The following PHACTR1 variants were observed in gnomAD, a reference collection of about 807,000 sequenced individuals.
PHACTR1 encodes the protein phosphatase and actin regulator 1, also known as RPEL repeat containing 1.
PHACTR1 carries 16 observed loss-of-function variants against 69.2 expected under a neutral mutation model. The observed-to-expected ratio is 0.23, with a 90% CI of 0.16 to 0.35. The LOEUF (loss-of-function observed/expected upper bound fraction) is 0.35. PHACTR1 is among the 10% of genes least tolerant of loss of function. The pLI, the probability that PHACTR1 is intolerant of heterozygous loss-of-function variation, is 1.00. For missense variants in PHACTR1, 510 were observed against 734.7 expected, an observed-to-expected ratio of 0.69 and a Z score of 3.54; for synonymous variants, 312 against 284.5, an observed-to-expected ratio of 1.10 and a Z score of -0.97.
At chr6:12,816,797 T>C (rs914205710) in intron 4 of PHACTR1, among the ~76,000 whole-genome samples, 2 of 152,146 alleles carry the variant, frequency 1.3e-5, no homozygotes, top group Non-Finnish European at 2.9e-5. Context: ...AGGAGTCCCA[T>C]TTTGAGGAAG....
chr6:13,230,406 G>A (rs890010834), intron 10 of PHACTR1: 2 of 1,137,660 alleles, frequency 1.8e-6, no homozygotes, highest in African/African-American at 1.6e-5. Context: ...GCAAAAATTA[G>A]TCAGGCATGG....
chr6:12,855,373 G>T (rs867876430), intron 4 of PHACTR1, among the ~76,000 whole-genome samples: 1 of 150,974 alleles, frequency 6.6e-6, no homozygotes. Context: ...GATCTCTTCA[G>T]TCCAGAGGTT....
intron 4 of PHACTR1, among the ~76,000 whole-genome samples, chr6:12,953,997 G>A (rs184434094): frequency 4.4e-4 from 67 of 152,288 alleles, no homozygotes; most frequent in Admixed American, 1.5e-3. Flanking sequence ...TAAAAGCGGC[G>A]TGATGACATA....
chr6:13,247,895 T>G (rs903979679), intron 10 of PHACTR1, among the ~76,000 whole-genome samples: 8 of 152,152 alleles, frequency 5.3e-5, no homozygotes, highest in Non-Finnish European at 1.0e-4. Flanking sequence ...TTAAATGACG[T>G]TATGAAGGAG....
At chr6:13,057,420 A>G (rs1427652591) in intron 5 of PHACTR1, among the ~76,000 whole-genome samples, 1 of 152,220 alleles carries the variant, frequency 6.6e-6, no homozygotes, top group African/African-American at 2.4e-5. Context: ...AAGTCCATAT[A>G]TTCATATTAT....
At position 13,278,912 on chromosome 6, in the gene PHACTR1, G is replaced by A. The variant is rs149164092; in HGVS notation, c.1509+583G>A. 2.8e-4 allele frequency among the ~76,000 whole-genome samples: 42 copies of A among 149,230 alleles called. No homozygotes were observed. The East Asian group carries it at 4.1e-3, about 15-fold the overall frequency. ...CAGGAGGCAGAGGTTGCAGTGAGCC[G>A]AGATCGCGCCACTGCACTCCAGCCT... is the stretch of plus-strand genomic sequence containing the variant. On this transcript the variant is annotated intron_variant, in intron 12 of 14. Transcript: ENST00000332995.
chr6:12,823,747 G>A (rs1776467285), intron 4 of PHACTR1, among the ~76,000 whole-genome samples: 1 of 152,108 alleles, frequency 6.6e-6, no homozygotes, highest in Non-Finnish European at 1.5e-5. Context: ...TTATAATGGG[G>A]CAGAACTAAT....
intron 5 of PHACTR1, among the ~76,000 whole-genome samples, chr6:13,112,128 A>C (rs941205161): frequency 6.6e-6 from 1 of 152,098 alleles, no homozygotes; most frequent in Admixed American, 6.5e-5. Flanking sequence ...AACATGCCGT[A>C]TTTGGTTTTC....
At chr6:12,731,762 T>C (rs1763555100) in intron 3 of PHACTR1, among the ~76,000 whole-genome samples, 1 of 152,190 alleles carries the variant, frequency 6.6e-6, no homozygotes, top group Non-Finnish European at 1.5e-5. Context: ...AGCTTTTGGA[T>C]TCTTCCCACT....
At chr6:13,270,699 T>C (rs1777520215) in intron 10 of PHACTR1, among the ~76,000 whole-genome samples, 1 of 152,250 alleles carries the variant, frequency 6.6e-6, no homozygotes, top group African/African-American at 2.4e-5. Context: ...TCCAACAGTT[T>C]CAGGGTGCTA....
chr6:12,877,658 G>A (rs368071964), intron 4 of PHACTR1, among the ~76,000 whole-genome samples: 5 of 152,206 alleles, frequency 3.3e-5, no homozygotes, highest in South Asian at 4.1e-4. Context: ...GTGGCTCTGC[G>A]TTTGCTCCCA....
intron 5 of PHACTR1, among the ~76,000 whole-genome samples, chr6:13,076,716 G>T (rs1223792558): frequency 6.6e-6 from 1 of 152,016 alleles, no homozygotes; most frequent in Non-Finnish European, 1.5e-5. Flanking sequence ...GTTCCCTGGG[G>T]CTTTTGAAGC....
chr6:13,195,776 A>AG (rs1764305524), intron 7 of PHACTR1, among the ~76,000 whole-genome samples: 1 of 142,668 alleles, frequency 7.0e-6, no homozygotes, highest in African/African-American at 2.6e-5. Flanking sequence ...AAAAAAAAAA[A>AG]AAAAGTTCAT....
At chr6:12,772,209 G>T (rs1369258150) in intron 4 of PHACTR1, among the ~76,000 whole-genome samples, 2 of 152,148 alleles carry the variant, frequency 1.3e-5, no homozygotes, top group Non-Finnish European at 2.9e-5. Context: ...CCCCACTTAG[G>T]TTACATGCTT....
chr6:13,075,636 GC>G (rs1285136549), intron 5 of PHACTR1, among the ~76,000 whole-genome samples: 1 of 152,162 alleles, frequency 6.6e-6, no homozygotes, highest in African/African-American at 2.4e-5. Flanking sequence ...GGTGCCCCTT[GC>G]GGCCGTCCTT....
chr6:12,854,552 TCAGCC>T (rs1232674920), intron 4 of PHACTR1, among the ~76,000 whole-genome samples: 28 of 556 alleles, frequency 0.05, no homozygotes, highest in Non-Finnish European at 0.27. Flanking sequence ...AAAACTTTGC[TCAGCC>T]TCAGCTTCTA....
chr6:12,947,591 G>A (rs1223114374), intron 4 of PHACTR1, among the ~76,000 whole-genome samples: 2 of 152,214 alleles, frequency 1.3e-5, no homozygotes, highest in Non-Finnish European at 2.9e-5. Context: ...AAATGTGGGA[G>A]CCAGACGCTC....
rs71552713 is a variant in PHACTR1 at position 12,780,249 on chromosome 6, C to CTGTGTG, written c.250+30493_250+30498dup. On this transcript the variant is annotated intron_variant, in intron 4 of 14. Transcript: ENST00000332995. ...GGAAACATATATATATATCTTTTCT[C>CTGTGTG]TGTGTGTGTGTGTGTGTGTGTGTGT... 6.3e-3 allele frequency among the ~76,000 whole-genome samples: 928 copies of CTGTGTG among 147,552 alleles called. 4 individuals carry two copies. Among genetic ancestry groups the CTGTGTG allele is most frequent in the African/African-American group, 0.015 (577 of 39,644 alleles).
intron 4 of PHACTR1, among the ~76,000 whole-genome samples, chr6:12,754,165 G>A (rs1471761119): frequency 1.4e-5 from 2 of 141,872 alleles, no homozygotes; most frequent in Non-Finnish European, 1.5e-5. Flanking sequence ...AGTGGAGATG[G>A]GGTTTCACTG....
Sources: gnomAD v4.1 joint callset for allele counts (sites outside exome capture counted in the v4.1 genomes callset) on GRCh38, gnomAD v4.1.1 for gene constraint, MANE v1.5 for transcripts, NCBI Gene and HGNC (gene_info 2026-07-23, HGNC 2026-07-21) for gene names.